Variants in ZNF662 observed in about 807,000 individuals in gnomAD.
ZNF662 encodes zinc finger protein 662.
A neutral mutation model predicts 12.4 loss-of-function variants in ZNF662; 14 were observed. That is an observed-to-expected ratio of 1.13 (90% CI 0.75 to 1.77). The LOEUF (loss-of-function observed/expected upper bound fraction) is 1.77, where lower values mean the gene tolerates loss of function less well. Among genes scored for constraint, ZNF662 ranks in the 40% most tolerant of loss-of-function variants. ZNF662 has a pLI of 0.00. For missense variants in ZNF662, 550 were observed against 515.6 expected, an observed-to-expected ratio of 1.07 and a Z score of -0.65; for synonymous variants, 184 against 176.4, an observed-to-expected ratio of 1.04 and a Z score of -0.34.
chr3:42,906,252 C>G lies in ZNF662; in HGVS notation c.-94+84C>G. The G allele has an allele frequency of 9.0e-7, 1 of 1,107,512 alleles. No individual in the cohort carries two copies. Among genetic ancestry groups the G allele is most frequent in the Non-Finnish European group, 1.3e-6 (1 of 797,508 alleles). 68.6% of individuals were successfully genotyped at this position (1,107,512 alleles called of 1,614,324 possible). ...CCGGTGGCTGCAGGGCGCAGGGTAG[C>G]CGTGTCAGGCCTGCCCAGGTGCAGA... is the stretch of plus-strand genomic sequence containing the variant. On this transcript the variant is annotated intron_variant, in intron 1 of 4. Transcript: ENST00000440367. This position sits in a 1 kb window ranked among gnomAD's most constrained non-coding sequence, Gnocchi z 4.4.
intron 3 of ZNF662, among the ~76,000 whole-genome samples, chr3:42,909,724 C>T (rs536557791): frequency 7.3e-5 from 11 of 151,470 alleles, no homozygotes; most frequent in Admixed American, 2.0e-4. Flanking sequence ...GGCGGCTGGC[C>T]GGGCGGAGGA....
rs775674577 is a variant in ZNF662 at position 42,915,333 on chromosome 3, C to T, written c.1260C>T (p.Ile420=). The T allele has an allele frequency of 5.1e-6, 8 of 1,578,522 alleles. No homozygotes were observed. Among genetic ancestry groups the T allele is most frequent in the Middle Eastern group, 3.4e-4 (2 of 5,830 alleles). The change falls in exon 5 of 5, where the codon ATC becomes ATT. Residue 420 remains isoleucine (I), a synonymous_variant. Coordinates refer to ENST00000440367, the MANE Select transcript of ZNF662 (RefSeq NM_207404.4). ...HARDKPYNCQ[I]SHLLEH ...GAGACAAACCCTATAACTGTCAGAT[C>T]TCTCACCTTCTTGAACATTAGAGAG...
At position 42,917,648 on chromosome 3, in the gene ZNF662, G is replaced by A. The variant is rs1472323885; in HGVS notation, c.*2294G>A. ...ATAAACATCTGTCAAACGAGTTAGA[G>A]TTGAGTTTTCTGTTATTTGCAACTT... On this transcript the variant is annotated 3_prime_UTR_variant, in exon 5 of 5. Transcript: ENST00000440367. 2 of 671,468 alleles carry A rather than the reference G, an allele frequency of 3.0e-6. No homozygotes were observed. Among genetic ancestry groups the A allele is most frequent in the East Asian group, 5.4e-5 (2 of 37,026 alleles). The allele number at this position is 671,468 out of a possible 1,614,324, so 41.6% of individuals were successfully genotyped here. A position where few individuals can be genotyped will look rare whatever the true frequency, so the allele number is the denominator to read the frequency against.
At chr3:42,912,388 AATAT>A (rs1216315710) in intron 3 of ZNF662, among the ~76,000 whole-genome samples, 29 of 99,368 alleles carry the variant, frequency 2.9e-4, no homozygotes, top group Admixed American at 1.8e-3. Flanking sequence ...AAATATATAT[AATAT>A]ATATTTATAT....
Position 42,913,227 on chromosome 3 carries a change from A to T in ZNF662, c.178A>T (p.Ile60Phe), listed in dbSNP as rs997502762. Reference protein sequence around the residue: ...SGYPFLKPAGISHPEQVEEPL... With the variant: ...SGYPFLKPAGFSHPEQVEEPL... Reference sequence around the variant, plus strand: ...ATATCCATTTCTAAAGCCTGCTGGGATTTCCCATCCTGAGCAGGTGGAAGA... The same window carrying T: ...ATATCCATTTCTAAAGCCTGCTGGGTTTTCCCATCCTGAGCAGGTGGAAGA... Residue 60 changes from isoleucine to phenylalanine, a missense_variant, in exon 4 of 5, where the codon ATT becomes TTT. Transcript: ENST00000440367. 1 of 1,613,962 alleles carries T rather than the reference A, an allele frequency of 6.2e-7. No individual in the cohort carries two copies. Among genetic ancestry groups the T allele is most frequent in the Admixed American group, 1.7e-5 (1 of 60,006 alleles).
At position 42,916,823 on chromosome 3, in the gene ZNF662, C is replaced by T. The variant is rs1213162157; in HGVS notation, c.*1469C>T. ...TAAATCCTCTTCCAGTCTGTCCATC[C>T]CTCACTACCATGATAGTCTACATTC... is the stretch of plus-strand genomic sequence containing the variant. On this transcript the variant is annotated 3_prime_UTR_variant, in exon 5 of 5. Coordinates refer to ENST00000440367, the MANE Select transcript of ZNF662 (RefSeq NM_207404.4). 1 of 152,200 alleles carries T rather than the reference C, an allele frequency of 6.6e-6. No homozygotes were observed. The highest frequency in any genetic ancestry group is 1.5e-5 in the Non-Finnish European group (1 of 68,066). 9.4% of individuals were successfully genotyped at this position (152,200 alleles called of 1,614,324 possible).
rs979473795 is a variant in ZNF662, at chr3:42,913,189, T to C, written c.152-12T>C. 5.0e-6 allele frequency: 8 copies of C among 1,608,424 alleles called. No homozygotes were observed. The African/African-American group carries it at 6.7e-5, about 13-fold the overall frequency. ...GACTGAGTCAGCCTTATTTGTATCTTGACCCTGGCAGGATATCCATTTCTA... is the reference window on the plus strand; with the variant it reads ...GACTGAGTCAGCCTTATTTGTATCTCGACCCTGGCAGGATATCCATTTCTA... On this transcript the variant is annotated splice_polypyrimidine_tract_variant and intron_variant, in intron 3 of 4. Coordinates refer to ENST00000440367, the MANE Select transcript of ZNF662 (RefSeq NM_207404.4).
chr3:42,910,047 C>G (rs867045792), intron 3 of ZNF662, among the ~76,000 whole-genome samples: 24 of 152,206 alleles, frequency 1.6e-4, no homozygotes, highest in Non-Finnish European at 3.4e-4. Flanking sequence ...CGCCACTGCA[C>G]TCCAGCCTGG....
chr3:42,909,370 A>G (rs1224791670), intron 3 of ZNF662, among the ~76,000 whole-genome samples: 2 of 152,182 alleles, frequency 1.3e-5, no homozygotes, highest in Non-Finnish European at 2.9e-5. Flanking sequence ...TTCAGAGAGC[A>G]CGGGGTTGGG....
intron 3 of ZNF662, among the ~76,000 whole-genome samples, chr3:42,911,637 A>G: frequency 6.6e-6 from 1 of 152,212 alleles, no homozygotes; most frequent in East Asian, 1.9e-4. Context: ...TTGGCAACAG[A>G]AAAGGTTGTC....
At chr3:42,907,584 A>G (rs1191132443) in intron 1 of ZNF662, 4 of 746,534 alleles carry the variant, frequency 5.4e-6, no homozygotes, top group Non-Finnish European at 6.5e-6. Context: ...TTCCTCTTCT[A>G]AAAAACGGAT....
At chr3:42,913,747 A>C (rs774689780) in intron 4 of ZNF662, among the ~76,000 whole-genome samples, 14 of 152,238 alleles carry the variant, frequency 9.2e-5, no homozygotes, top group Non-Finnish European at 1.8e-4. Flanking sequence ...TGAATAAGAC[A>C]CTATGAGAAC....
Position 42,914,797 on chromosome 3 carries a change from CA to C in ZNF662, c.725del (p.His242ProfsTer4). The C allele has an allele frequency of 1.9e-6, 3 of 1,614,036 alleles. No individual in the cohort carries two copies. The highest frequency in any genetic ancestry group is 1.7e-6 in the Non-Finnish European group (2 of 1,179,986). On this transcript the variant is annotated frameshift_variant, in exon 5 of 5. Coordinates refer to ENST00000440367, the MANE Select transcript of ZNF662 (RefSeq NM_207404.4). LOFTEE classifies it low-confidence loss of function (END_TRUNC). ...ACATTGCATTGCACATCAGAGAATTCACAGTGGGGTGAAACCCTATGAATGT... is the reference window on the plus strand; with the variant it reads ...ACATTGCATTGCACATCAGAGAATTCCAGTGGGGTGAAACCCTATGAATGT... ...RSHCIAHQRI[H>X]SGVKPYECQE...
Position 42,906,391 on chromosome 3 carries a change from C to G in ZNF662, c.-94+223C>G, listed in dbSNP as rs1392728079. The G allele has an allele frequency of 3.3e-6, 5 of 1,521,468 alleles. No homozygotes were observed. The highest frequency in any genetic ancestry group is 4.4e-6 in the Non-Finnish European group (5 of 1,139,436). The allele number at this position is 1,521,468 out of a possible 1,614,324, so 94.2% of individuals were successfully genotyped here. A position where few individuals can be genotyped will look rare whatever the true frequency, so the allele number is the denominator to read the frequency against. On this transcript the variant is annotated intron_variant, in intron 1 of 4. Coordinates refer to ENST00000440367, the MANE Select transcript of ZNF662 (RefSeq NM_207404.4). The surrounding 1 kb of genome is among the most constrained non-coding windows in gnomAD (Gnocchi z 4.4). ...GCTGGCGAGCGGGACACGCCTCGGCCTTGTCCTCGAGCTGCTCCCGGGACA... is the reference window on the plus strand; with the variant it reads ...GCTGGCGAGCGGGACACGCCTCGGCGTTGTCCTCGAGCTGCTCCCGGGACA...
chr3:42,918,445 C>T lies in ZNF662; in HGVS notation c.*3091C>T, dbSNP rs554042966. ...GCATGAATTCCTGGTGGCTACACCC[C>T]GTTCTCCCAGTGTGCAGGCAGGCCC... On this transcript the variant is annotated 3_prime_UTR_variant, in exon 5 of 5. Coordinates refer to ENST00000440367, the MANE Select transcript of ZNF662 (RefSeq NM_207404.4). Among the ~76,000 whole-genome samples the T allele has an allele frequency of 6.8e-4, 103 of 152,288 alleles. 1 individual carries two copies. The highest frequency in any genetic ancestry group is 3.4e-3 in the Middle Eastern group (1 of 294).
intron 4 of ZNF662, 116 bp from the exon 5 acceptor site, chr3:42,914,211 G>A (rs2088869348): frequency 1.1e-6 from 1 of 901,110 alleles, no homozygotes; most frequent in African/African-American, 1.7e-5. Flanking sequence ...CTGGGACAGG[G>A]CCACTGAGAC....
chr3:42,914,524 A>G lies in ZNF662; in HGVS notation c.451A>G (p.Thr151Ala), dbSNP rs1216642205. 8.7e-6 allele frequency: 14 copies of G among 1,614,036 alleles called. No individual in the cohort carries two copies. The highest frequency in any genetic ancestry group is 1.1e-5 in the Non-Finnish European group (13 of 1,180,044). Residue 151 changes from threonine to alanine, a missense_variant, in exon 5 of 5, where the codon ACA (threonine) becomes GCA (alanine). Transcript: ENST00000440367. ...CAATGGGGGACGTATGGAAAGTTCT[A>G]CAAATGATATTATAGAAGTGATTGT... ...YLNGGRMESS[T>A]NDIIEVIVKD...
intron 3 of ZNF662, among the ~76,000 whole-genome samples, chr3:42,910,245 G>C (rs1443901656): frequency 6.6e-6 from 1 of 152,144 alleles, no homozygotes; most frequent in Non-Finnish European, 1.5e-5. Context: ...CCAGGCACTC[G>C]GCAGGCTGAG....
intron 3 of ZNF662, among the ~76,000 whole-genome samples, chr3:42,912,637 A>ATTTTATATATATAGAAATATATATATAT (rs2088824398): frequency 1.5e-5 from 1 of 66,642 alleles, no homozygotes; most frequent in Non-Finnish European, 3.0e-5. Context: ...ATATTTATAT[A>ATTTTATATATATAGAAATATATATATAT]TTTTATATAT....
Sources: allele counts gnomAD v4.1 joint callset (sites outside exome capture counted in the v4.1 genomes callset), GRCh38; gene constraint gnomAD v4.1.1; non-coding constraint Gnocchi (gnomAD v3.1); transcripts MANE v1.5; gene names NCBI Gene and HGNC (gene_info 2026-07-23, HGNC 2026-07-21).